The following NPEPL1 variants were observed in gnomAD, a reference collection of about 807,000 sequenced individuals.
The protein encoded by NPEPL1 is probable aminopeptidase NPEPL1.
NPEPL1 carries 45 observed loss-of-function variants against 52.4 expected under a neutral mutation model. That is an observed-to-expected ratio of 0.86 (90% CI 0.68 to 1.10). The LOEUF (loss-of-function observed/expected upper bound fraction) is 1.10. Ranked by LOEUF, NPEPL1 falls within the 50% of genes least tolerant of loss-of-function variation. NPEPL1 has a pLI of 0.00. For synonymous variants in NPEPL1, 360 were observed against 314.7 expected, an observed-to-expected ratio of 1.14 and a Z score of -1.52; for missense variants, 696 against 710.9, an observed-to-expected ratio of 0.98 and a Z score of 0.24.
At chr20:58,691,628 A>T, upstream of NPEPL1, 1 of 653,396 alleles carries the variant, frequency 1.5e-6, no homozygotes, top group Non-Finnish European at 2.6e-6. Context: ...CTGGGAGGTC[A>T]GTGGTGGAAA....
chr20:58,704,151 C>T (rs569993265), intron 6 of NPEPL1: 11 of 985,384 alleles, frequency 1.1e-5, no homozygotes, highest in African/African-American at 1.7e-5. Context: ...AATCTCTCCC[C>T]AACGGCCTGG....
upstream of NPEPL1, among the ~76,000 whole-genome samples, chr20:58,689,815 A>T (rs899761994): frequency 2.2e-5 from 3 of 133,652 alleles, no homozygotes; most frequent in African/African-American, 1.1e-4. Context: ...ATGCGTGCAC[A>T]TGCACAAACA....
At chr20:58,695,491 G>A (rs550573365) in intron 3 of NPEPL1, among the ~76,000 whole-genome samples, 16 of 152,260 alleles carry the variant, frequency 1.1e-4, no homozygotes, top group East Asian at 3.9e-4. Context: ...CTGTCCCCAC[G>A]GCAGCGGTCC....
At chr20:58,695,691 C>T (rs949024362) in intron 3 of NPEPL1, among the ~76,000 whole-genome samples, 1 of 152,244 alleles carries the variant, frequency 6.6e-6, no homozygotes, top group Non-Finnish European at 1.5e-5. Context: ...AGGCCTGTAA[C>T]CACTGCCCCT....
chr20:58,715,735 A>C lies in NPEPL1; in HGVS notation c.*409A>C, dbSNP rs145132080. ...TCCAGCCAGCCCAGCCCTGTGAAAGATGGAGCTGACTTGCTGCAGGGGACC... is the reference window on the plus strand; with the variant it reads ...TCCAGCCAGCCCAGCCCTGTGAAAGCTGGAGCTGACTTGCTGCAGGGGACC... On this transcript the variant is annotated 3_prime_UTR_variant, in exon 12 of 12. Coordinates refer to ENST00000356091, the MANE Select transcript of NPEPL1 (RefSeq NM_024663.4). 220 of 161,330 alleles carry C rather than the reference A, an allele frequency of 1.4e-3. No individual in the cohort carries two copies. The highest frequency in any genetic ancestry group is 5.0e-3 in the African/African-American group (207 of 41,806). 10.0% of individuals were successfully genotyped at this position (161,330 alleles called of 1,614,324 possible).
chr20:58,709,989 A>T (rs1001133097), intron 7 of NPEPL1, among the ~76,000 whole-genome samples: 4 of 148,388 alleles, frequency 2.7e-5, no homozygotes, highest in African/African-American at 1.0e-4. Context: ...AGATGCTGAC[A>T]TTGGCAGAAT....
chr20:58,691,694 T>TTTTTTTTTTTTTTTTTTTTTC, upstream of NPEPL1: 1 of 56,256 alleles, frequency 1.8e-5, no homozygotes, highest in South Asian at 1.4e-4. Flanking sequence ...TTTTCTTTTC[T>TTTTTTTTTTTTTTTTTTTTTC]TTTTTTTTTT....
At chr20:58,703,917 CT>C (rs2084685597) in intron 6 of NPEPL1, 1 of 985,248 alleles carries the variant, frequency 1.0e-6, no homozygotes, top group Non-Finnish European at 1.2e-6. Context: ...TCCACCTGGT[CT>C]GCAGACCCCA....
At chr20:58,714,426 T>G (rs978653671) in intron 10 of NPEPL1, 134 bp from the exon 11 acceptor site, 25 of 654,830 alleles carry the variant, frequency 3.8e-5, no homozygotes, top group Non-Finnish European at 5.9e-5. Context: ...GCCCAGCTTC[T>G]GCTGCCTCCC....
intron 2 of NPEPL1, among the ~76,000 whole-genome samples, 179 bp from the exon 3 acceptor site, chr20:58,694,243 A>G (rs2084413633): frequency 4.6e-5 from 7 of 152,286 alleles, no homozygotes; most frequent in Admixed American, 6.5e-5. Context: ...AGCATGACCA[A>G]TGGTGGTCCC....
At chr20:58,700,335 T>C (rs1172027912) in intron 5 of NPEPL1, among the ~76,000 whole-genome samples, 3 of 152,216 alleles carry the variant, frequency 2.0e-5, no homozygotes, top group African/African-American at 7.2e-5. Flanking sequence ...GGGGCCATCC[T>C]GGTGGTGTCT....
chr20:58,713,118 GC>G lies in NPEPL1; in HGVS notation c.1002-299del. The G allele has an allele frequency of 2.5e-6, 1 of 395,744 alleles. No homozygotes were observed. The allele number at this position is 395,744 out of a possible 1,614,324, so 24.5% of individuals were successfully genotyped here. Reference sequence around the variant, plus strand: ...GCCAGGCACAGTGTGCTGAAGGCCAGCCCAGCCGGTTCATGCCACCCACTTT... The same window carrying G: ...GCCAGGCACAGTGTGCTGAAGGCCAGCCAGCCGGTTCATGCCACCCACTTT... On this transcript the variant is annotated intron_variant, in intron 8 of 11. Coordinates refer to ENST00000356091, the MANE Select transcript of NPEPL1 (RefSeq NM_024663.4). This position sits in a 1 kb window ranked among gnomAD's most constrained non-coding sequence, Gnocchi z 4.6.
At chr20:58,704,663 C>T (rs1048987881) in intron 6 of NPEPL1, among the ~76,000 whole-genome samples, 7 of 152,152 alleles carry the variant, frequency 4.6e-5, no homozygotes, top group Non-Finnish European at 8.8e-5. Flanking sequence ...CGTCTGCTTC[C>T]GATGTAGTCT....
chr20:58,692,956 G>A lies in NPEPL1; in HGVS notation c.56G>A (p.Ser19Asn). 8.4e-7 allele frequency: 1 copy of A among 1,186,374 alleles called. No individual in the cohort carries two copies. Among genetic ancestry groups the A allele is most frequent in the Non-Finnish European group, 1.1e-6 (1 of 940,094 alleles). The allele number at this position is 1,186,374 out of a possible 1,614,324, so 73.5% of individuals were successfully genotyped here. A position where few individuals can be genotyped will look rare whatever the true frequency, so the allele number is the denominator to read the frequency against. ...AGCGCGGGGGACTCGGACCCACAGAGCCGGCCCCTGCTGCTGCTCGGGCAG... is the reference window on the plus strand; with the variant it reads ...AGCGCGGGGGACTCGGACCCACAGAACCGGCCCCTGCTGCTGCTCGGGCAG... ...QASAGDSDPQ[S>N]RPLLLLGQLH... Residue 19 changes from serine to asparagine, a missense_variant, in exon 1 of 12, where the codon AGC becomes AAC. By Grantham distance (46) the Ser-to-Asn change is conservative. Coordinates refer to ENST00000356091, the MANE Select transcript of NPEPL1 (RefSeq NM_024663.4). The surrounding 1 kb of genome is among the most constrained non-coding windows in gnomAD (Gnocchi z 5.7).
rs1403317940 is a variant in NPEPL1 at position 58,713,609 on chromosome 20, A to T, written c.1125+66A>T. On this transcript the variant is annotated intron_variant, in intron 9 of 11. Coordinates refer to ENST00000356091, the MANE Select transcript of NPEPL1 (RefSeq NM_024663.4). This position sits in a 1 kb window ranked among gnomAD's most constrained non-coding sequence, Gnocchi z 4.6. ...GGAACCCCACCCCACTCTTGACCTC[A>T]AGGTGGGGAAGGCAGCGCGTGGGGG... The T allele has an allele frequency of 1.3e-5, 20 of 1,486,972 alleles. No individual in the cohort carries two copies. The highest frequency in any genetic ancestry group is 2.8e-5 in the African/African-American group (2 of 71,264). The allele number at this position is 1,486,972 out of a possible 1,614,324, so 92.1% of individuals were successfully genotyped here.
Position 58,692,932 on chromosome 20 carries a change from G to T in NPEPL1, c.32G>T (p.Ser11Ile). ...AACGTGGGGCTGCAGTTCCAGGCGAGCGCGGGGGACTCGGACCCACAGAGC... is the reference window on the plus strand; with the variant it reads ...AACGTGGGGCTGCAGTTCCAGGCGATCGCGGGGGACTCGGACCCACAGAGC... MANVGLQFQA[S>I]AGDSDPQSRP... Residue 11 changes from serine (S) to isoleucine (I), a missense_variant, in exon 1 of 12, where the codon AGC (serine) becomes ATC (isoleucine). Ser to Ile is a moderately radical substitution (Grantham distance 142). Transcript: ENST00000356091. The surrounding 1 kb of genome is among the most constrained non-coding windows in gnomAD (Gnocchi z 5.7). 8.8e-7 allele frequency: 1 copy of T among 1,137,632 alleles called. No homozygotes were observed. Among genetic ancestry groups the T allele is most frequent in the Non-Finnish European group, 1.1e-6 (1 of 914,306 alleles). The allele number at this position is 1,137,632 out of a possible 1,614,324, so 70.5% of individuals were successfully genotyped here.
intron 5 of NPEPL1, among the ~76,000 whole-genome samples, chr20:58,700,722 G>A (rs1474036894): frequency 6.6e-6 from 1 of 152,234 alleles, no homozygotes; most frequent in African/African-American, 2.4e-5. Flanking sequence ...GTTTCATTCT[G>A]CAATCCTGTT....
chr20:58,706,024 T>C (rs939978682), intron 6 of NPEPL1, among the ~76,000 whole-genome samples: 1 of 152,216 alleles, frequency 6.6e-6, no homozygotes, highest in Admixed American at 6.5e-5. Context: ...CAAAAATGAT[T>C]CAGTAAATTT....
intron 11 of NPEPL1, 60 bp downstream of exon 11, chr20:58,714,730 C>T (rs1030731587): frequency 2.3e-6 from 3 of 1,332,158 alleles, no homozygotes; most frequent in East Asian, 2.5e-5. Context: ...CAAACAGCGC[C>T]CCTCTGGCTC....
Sources: gnomAD v4.1 joint callset for allele counts (sites outside exome capture counted in the v4.1 genomes callset) on GRCh38, gnomAD v4.1.1 for gene constraint, Gnocchi (gnomAD v3.1) non-coding constraint, MANE v1.5 for transcripts, NCBI Gene and HGNC (gene_info 2026-07-23, HGNC 2026-07-21) for gene names.